The following CADM2 variants were observed in gnomAD, a reference collection of about 807,000 sequenced individuals.
CADM2 encodes the protein immunoglobulin superfamily member 4D.
CADM2 carries 12 observed loss-of-function variants against 49.8 expected under a neutral mutation model. The ratio of observed to expected loss-of-function variants is 0.24; its 90% confidence interval spans 0.15 to 0.39. The LOEUF (loss-of-function observed/expected upper bound fraction) is 0.39, where lower values mean the gene tolerates loss of function less well. Ranked by LOEUF, CADM2 falls within the 10% of genes least tolerant of loss-of-function variation. CADM2 has a pLI of 1.00. For missense variants in CADM2, 378 were observed against 492.3 expected (o/e 0.77, Z 2.20); for synonymous variants, 214 against 175.4 (o/e 1.22, Z -1.74).
At chr3:85,918,741 A>G (rs1397195192) in intron 6 of CADM2, among the ~76,000 whole-genome samples, 1 of 152,130 alleles carries the variant, frequency 6.6e-6, no homozygotes, top group Admixed American at 6.6e-5. Context: ...AGGGAAGAGG[A>G]AACTTCACAA....
intron 1 of CADM2, among the ~76,000 whole-genome samples, chr3:85,700,084 C>A (rs2066704554): frequency 6.6e-6 from 1 of 152,124 alleles, no homozygotes. Context: ...TGGAACCAAC[C>A]CAAACATCCA....
chr3:85,409,392 A>G (rs1241882611), intron 1 of CADM2, among the ~76,000 whole-genome samples: 2 of 152,170 alleles, frequency 1.3e-5, no homozygotes, highest in Non-Finnish European at 2.9e-5. Flanking sequence ...GCATCATATT[A>G]AGTACTGAAA....
At chr3:85,396,024 A>G (rs1033369351) in intron 1 of CADM2, among the ~76,000 whole-genome samples, 2 of 149,738 alleles carry the variant, frequency 1.3e-5, no homozygotes, top group Non-Finnish European at 3.0e-5. Flanking sequence ...GATTCTGAAT[A>G]TTATATTTAA....
At chr3:85,714,345 T>G (rs1265873681) in intron 1 of CADM2, among the ~76,000 whole-genome samples, 4 of 152,196 alleles carry the variant, frequency 2.6e-5, no homozygotes, top group Non-Finnish European at 5.9e-5. Flanking sequence ...ACTCTCTACT[T>G]AGTAATATCA....
intron 1 of CADM2, among the ~76,000 whole-genome samples, chr3:85,661,016 A>AT (rs1553657205): frequency 6.6e-6 from 1 of 152,000 alleles, no homozygotes; most frequent in Non-Finnish European, 1.5e-5. Context: ...GTTAAATGAG[A>AT]TTTTAAGAAT....
chr3:85,079,792 A>G (rs992291362), intron 1 of CADM2, among the ~76,000 whole-genome samples: 3 of 151,914 alleles, frequency 2.0e-5, no homozygotes, highest in South Asian at 2.1e-4. Context: ...AATTTTACGT[A>G]TATTTGTTAT....
At chr3:85,073,025 A>G (rs944172938) in intron 1 of CADM2, among the ~76,000 whole-genome samples, 8 of 152,130 alleles carry the variant, frequency 5.3e-5, no homozygotes, top group African/African-American at 1.9e-4. Context: ...GTAAGACTCT[A>G]TTTTGACTAT....
At chr3:85,987,800 A>G (rs1034983157) in intron 8 of CADM2, among the ~76,000 whole-genome samples, 1 of 151,196 alleles carries the variant, frequency 6.6e-6, no homozygotes, top group African/African-American at 2.4e-5. Context: ...TCTGTTCTAT[A>G]TTTAAGAAGC....
intron 1 of CADM2, among the ~76,000 whole-genome samples, chr3:85,262,160 A>G (rs2043026029): frequency 6.6e-6 from 1 of 152,148 alleles, no homozygotes; most frequent in South Asian, 2.1e-4. Flanking sequence ...ATTAAACCAT[A>G]TTAAATTTCA....
At chr3:85,437,983 A>G (rs1417566212) in intron 1 of CADM2, among the ~76,000 whole-genome samples, 1 of 152,068 alleles carries the variant, frequency 6.6e-6, no homozygotes. Context: ...CAAAGTATTA[A>G]CAACTCTCAC....
intron 1 of CADM2, among the ~76,000 whole-genome samples, chr3:85,651,538 A>G (rs148611947): frequency 2.6e-5 from 4 of 152,230 alleles, no homozygotes; most frequent in Admixed American, 1.3e-4. Flanking sequence ...GACTGCTCCA[A>G]TAAGACTCAA....
At chr3:85,693,994 A>G (rs2066473053) in intron 1 of CADM2, among the ~76,000 whole-genome samples, 1 of 152,050 alleles carries the variant, frequency 6.6e-6, no homozygotes, top group Non-Finnish European at 1.5e-5. Flanking sequence ...TAAAGAATAG[A>G]ATGGAATGAC....
At chr3:85,959,021 TA>T (rs1423792271) in intron 7 of CADM2, among the ~76,000 whole-genome samples, 1 of 149,510 alleles carries the variant, frequency 6.7e-6, no homozygotes, top group Non-Finnish European at 1.5e-5. Context: ...GAACTTAAAT[TA>T]AAAAAATCTA....
intron 1 of CADM2, among the ~76,000 whole-genome samples, chr3:85,089,293 T>C (rs13099704): frequency 0.044 from 6,716 of 152,204 alleles, 197 homozygotes; most frequent in South Asian, 0.086. Flanking sequence ...TAAATTCACT[T>C]CTCCAGAAAT....
At chr3:85,709,951 T>C (rs998169282) in intron 1 of CADM2, among the ~76,000 whole-genome samples, 23 of 152,148 alleles carry the variant, frequency 1.5e-4, no homozygotes, top group Non-Finnish European at 2.8e-4. Flanking sequence ...AGATGAACGC[T>C]TTCTTTAAAT....
intron 3 of CADM2, among the ~76,000 whole-genome samples, chr3:85,867,391 A>T (rs2075763136): frequency 6.6e-6 from 1 of 152,010 alleles, no homozygotes; most frequent in Non-Finnish European, 1.5e-5. Flanking sequence ...CCTAATCCTC[A>T]TAAATAAATA....
chr3:85,955,519 GT>G (rs1204099345), intron 7 of CADM2, among the ~76,000 whole-genome samples: 6 of 151,486 alleles, frequency 4.0e-5, no homozygotes, highest in African/African-American at 1.5e-4. Context: ...GGCAAAGAAA[GT>G]TTCCATTCTC....
chr3:85,817,324 A>T (rs2073272085), intron 3 of CADM2, among the ~76,000 whole-genome samples: 1 of 152,210 alleles, frequency 6.6e-6, no homozygotes, highest in African/African-American at 2.4e-5. Context: ...GAAGGGTAGT[A>T]GTTTAGAAAG....
chr3:85,301,896 T>A (rs529270751), intron 1 of CADM2, among the ~76,000 whole-genome samples: 4 of 152,138 alleles, frequency 2.6e-5, no homozygotes, highest in Admixed American at 6.6e-5. Context: ...TTCAGAAAAA[T>A]TTTTAAAAGG....
Sources: allele counts gnomAD v4.1 joint callset (sites outside exome capture counted in the v4.1 genomes callset), GRCh38; gene constraint gnomAD v4.1.1; transcripts MANE v1.5; gene names NCBI Gene and HGNC (gene_info 2026-07-23, HGNC 2026-07-21).